Variants in CSMD2 observed in about 807,000 individuals in gnomAD.
CSMD2 encodes CUB and sushi domain-containing protein 2.
A neutral mutation model predicts 398.5 loss-of-function variants in CSMD2; 130 were observed. The ratio of observed to expected loss-of-function variants is 0.33; its 90% CI spans 0.28 to 0.38. The LOEUF is 0.38. Ranked by LOEUF, CSMD2 falls within the 10% of genes least tolerant of loss-of-function variation. The pLI, the probability that CSMD2 is intolerant of heterozygous loss-of-function variation, is 1.00. For missense variants in CSMD2, 3,829 were observed against 4,764.9 expected (o/e 0.80, Z 5.78); for synonymous variants, 1,828 against 1,908.5 (o/e 0.96, Z 1.10).
At chr1:33,724,402 C>G (rs1168368496) in intron 18 of CSMD2, 89 bp from the exon 19 acceptor site, 1 of 1,519,430 alleles carries the variant, frequency 6.6e-7, no homozygotes, top group South Asian at 1.2e-5. Flanking sequence ...CCCCATCTCT[C>G]GAAAGCCCAA....
At chr1:33,628,307 GA>G (rs369826996) in intron 32 of CSMD2, among the ~76,000 whole-genome samples, 12 of 150,778 alleles carry the variant, frequency 8.0e-5, no homozygotes, top group South Asian at 4.2e-4. Flanking sequence ...CGTGAAAGAT[GA>G]AAAAAAAATC....
chr1:33,709,205 A>G lies in CSMD2; in HGVS notation c.3460T>C (p.Phe1154Leu), dbSNP rs749364603. Residue 1154 changes from phenylalanine to leucine, a missense_variant, in exon 22 of 71, where the codon TTT (phenylalanine) becomes CTT (leucine). By Grantham distance (22) the Phe-to-Leu change is conservative. Around this residue, in one of 5 missense-constraint regions of CSMD2, gnomAD observed 2,001 missense variants for 2,567.1 expected, o/e 0.78. Transcript: ENST00000373381. Reference sequence around the variant, plus strand: ...TGATTGTTATTGTAGTTCACAGGAAAGTTGGGGGACAGCAAAGTACCCTGA... The same window carrying G: ...TGATTGTTATTGTAGTTCACAGGAAGGTTGGGGGACAGCAAAGTACCCTGA... ...GTQGTLLSPN[F>L]PVNYNNNHEC... 2 of 1,614,004 alleles carry G rather than the reference A, an allele frequency of 1.2e-6. No individual in the cohort carries two copies. The highest frequency in any genetic ancestry group is 2.7e-5 in the African/African-American group (2 of 74,914).
chr1:33,632,050 T>G (rs542894761), intron 32 of CSMD2, among the ~76,000 whole-genome samples: 14 of 152,136 alleles, frequency 9.2e-5, no homozygotes, highest in African/African-American at 2.6e-4. Flanking sequence ...TCATAAAAAT[T>G]TAGTATATGT....
chr1:34,009,352 G>A (rs2148061610), intron 3 of CSMD2, among the ~76,000 whole-genome samples: 1 of 150,586 alleles, frequency 6.6e-6, no homozygotes, highest in Admixed American at 6.6e-5. Flanking sequence ...GAGGGTCGGG[G>A]GTGGGGGAAG....
intron 3 of CSMD2, among the ~76,000 whole-genome samples, chr1:33,990,250 C>T (rs573161764): frequency 2.6e-5 from 4 of 151,694 alleles, no homozygotes; most frequent in African/African-American, 4.9e-5. Flanking sequence ...CCAGCCTGGA[C>T]GACAAGAGTG....
At chr1:33,579,825 C>T (rs778814244) in intron 48 of CSMD2, among the ~76,000 whole-genome samples, 9 of 151,974 alleles carry the variant, frequency 5.9e-5, no homozygotes, top group Non-Finnish European at 1.0e-4. Flanking sequence ...ATTACAGGTG[C>T]ATGCCACCAT....
intron 57 of CSMD2, 78 bp from the exon 58 acceptor site, chr1:33,542,974 G>A (rs909191727): frequency 2.4e-5 from 30 of 1,233,340 alleles, no homozygotes; most frequent in Non-Finnish European, 3.1e-5. Context: ...GCCCAGAGTG[G>A]AAGCCACATG....
At chr1:33,941,013 A>AT (rs1336680260) in intron 3 of CSMD2, among the ~76,000 whole-genome samples, 2 of 151,828 alleles carry the variant, frequency 1.3e-5, no homozygotes, top group African/African-American at 2.4e-5. Context: ...ATGTCCGTGT[A>AT]TTTTTTAGCA....
chr1:33,665,846 C>T (rs1644292471), intron 25 of CSMD2, among the ~76,000 whole-genome samples: 1 of 152,158 alleles, frequency 6.6e-6, no homozygotes, highest in South Asian at 2.1e-4. Context: ...TGTTTACTCC[C>T]TCCGTAGCAT....
intron 50 of CSMD2, among the ~76,000 whole-genome samples, chr1:33,572,281 TAA>T (rs1659660383): frequency 6.6e-6 from 1 of 152,186 alleles, no homozygotes; most frequent in Non-Finnish European, 1.5e-5. Flanking sequence ...AGGCCATTCC[TAA>T]GTTCCATGGT....
chr1:33,858,741 T>C (rs1388773991), intron 5 of CSMD2, among the ~76,000 whole-genome samples: 2 of 152,182 alleles, frequency 1.3e-5, no homozygotes, highest in Non-Finnish European at 2.9e-5. Flanking sequence ...ACCACCCTCC[T>C]TCCTGGGACA....
At chr1:33,650,327 C>G (rs192895540) in intron 28 of CSMD2, among the ~76,000 whole-genome samples, 1 of 152,150 alleles carries the variant, frequency 6.6e-6, no homozygotes, top group Non-Finnish European at 1.5e-5. Flanking sequence ...AAACACAAAG[C>G]AAGGTTCCTT....
chr1:33,662,796 T>C, intron 26 of CSMD2, 94 bp downstream of exon 26: 2 of 1,112,676 alleles, frequency 1.8e-6, no homozygotes, highest in Non-Finnish European at 2.7e-6. Context: ...TATCTTTACA[T>C]GGACTGAGGG....
chr1:33,790,712 G>A (rs527991436), intron 11 of CSMD2, among the ~76,000 whole-genome samples: 72 of 137,550 alleles, frequency 5.2e-4, no homozygotes, highest in African/African-American at 1.7e-3. Context: ...TCATCTATCT[G>A]TCTATCATCT....
At chr1:33,741,042 C>T (rs1020172363) in intron 14 of CSMD2, among the ~76,000 whole-genome samples, 2 of 152,104 alleles carry the variant, frequency 1.3e-5, no homozygotes, top group African/African-American at 4.8e-5. Flanking sequence ...GTGCTCAGCA[C>T]CAGGTTCAGC....
chr1:34,156,721 T>C (rs1418744754), intron 1 of CSMD2, among the ~76,000 whole-genome samples: 2 of 152,236 alleles, frequency 1.3e-5, no homozygotes, highest in Non-Finnish European at 2.9e-5. Flanking sequence ...GATTCTCAAG[T>C]AAATTTCTCA....
At chr1:33,584,678 T>A (rs1638957112) in intron 46 of CSMD2, among the ~76,000 whole-genome samples, 1 of 149,874 alleles carries the variant, frequency 6.7e-6, no homozygotes, top group African/African-American at 2.4e-5. Flanking sequence ...AAAAAATATA[T>A]CTATATACAT....
chr1:33,829,848 G>A (rs1338558834), intron 6 of CSMD2, among the ~76,000 whole-genome samples: 1 of 150,694 alleles, frequency 6.6e-6, no homozygotes, highest in Non-Finnish European at 1.5e-5. Context: ...GGCACACCAG[G>A]AGATTATATT....
At chr1:33,725,245 G>T in intron 17 of CSMD2, 104 bp downstream of exon 17, 1 of 945,026 alleles carries the variant, frequency 1.1e-6, no homozygotes, top group Non-Finnish European at 1.6e-6. Context: ...AGAACACCAT[G>T]GGGATGGGGC....
Sources: gnomAD v4.1 joint callset for allele counts (sites outside exome capture counted in the v4.1 genomes callset) on GRCh38, gnomAD v4.1.1 for gene constraint, gnomAD v4.1.1 regional missense constraint, MANE v1.5 for transcripts, NCBI Gene and HGNC (gene_info 2026-07-23, HGNC 2026-07-21) for gene names.